The following C1QTNF9B variants were observed in gnomAD, a reference collection of about 807,000 sequenced individuals.
C1QTNF9B encodes the protein C1q and TNF related 9B.
C1QTNF9B carries 9 observed loss-of-function variants against 10.1 expected under a neutral mutation model. The ratio of observed to expected loss-of-function variants is 0.89; its 90% CI spans 0.53 to 1.55. The LOEUF is 1.55. Among genes scored for constraint, C1QTNF9B ranks in the 40% most tolerant of loss-of-function variants. The pLI, the probability that C1QTNF9B is intolerant of heterozygous loss-of-function variation, is 0.00. For missense variants in C1QTNF9B, 196 were observed against 414.4 expected (o/e 0.47, Z 4.58); for synonymous variants, 79 against 159.9 (o/e 0.49, Z 3.82).
At chr13:23,896,081 A>G (rs1872191265) in intron 1 of C1QTNF9B, among the ~76,000 whole-genome samples, 1 of 152,212 alleles carries the variant, frequency 6.6e-6, no homozygotes. Flanking sequence ...GGTCCATAGA[A>G]GTTTTGATAT....
chr13:23,892,692 C>T (rs185950268), intron 2 of C1QTNF9B, among the ~76,000 whole-genome samples: 9 of 152,112 alleles, frequency 5.9e-5, no homozygotes, highest in African/African-American at 1.2e-4. Context: ...CAATTACACA[C>T]GTGTGTGCAC....
At chr13:23,896,686 T>C (rs6490842) in intron 1 of C1QTNF9B, 135 bp downstream of exon 3, 450,767 of 1,258,386 alleles carry the variant, frequency 0.36, 83,842 homozygotes, top group East Asian at 0.42. Context: ...GGGGTCAGGC[T>C]CCAGTGAATG....
chr13:23,895,101 C>A (rs553079562), intron 1 of C1QTNF9B, among the ~76,000 whole-genome samples: 1 of 152,092 alleles, frequency 6.6e-6, no homozygotes, highest in Non-Finnish European at 1.5e-5. Context: ...CCTTGGTCAG[C>A]GTGGGACCTC....
chr13:23,896,449 T>A (rs1008904378), intron 1 of C1QTNF9B, among the ~76,000 whole-genome samples: 1 of 152,236 alleles, frequency 6.6e-6, no homozygotes, highest in Admixed American at 6.5e-5. Context: ...ATCAGATCTC[T>A]CTATTGGCCT....
intron 2 of C1QTNF9B, 107 bp from the exon 5 acceptor site, chr13:23,892,168 G>A (rs1872026329): frequency 2.1e-6 from 3 of 1,425,186 alleles, no homozygotes. Flanking sequence ...GTAGTACACA[G>A]GTTCAGTATA....
In C1QTNF9B at chr13:23,891,781, C is replaced by T. The variant is rs767300545; in HGVS notation, c.510G>A (p.Gly170=). ...CCCGGACTCCTGGCTCACCCTGGGG[C>T]CCCGTGGGTCCAGCTTCTCCCTTGG... Residue 170 remains glycine (G), a synonymous_variant, in exon 3 of 3, where the codon GGG becomes GGA. Transcript: ENST00000382137. 18 of 1,613,938 alleles carry T rather than the reference C, an allele frequency of 1.1e-5. No homozygotes were observed. In the Admixed American group the frequency reaches 2.5e-4, roughly 22 times the overall value.
rs768042578 is a variant in C1QTNF9B, at chr13:23,891,314, C to T, written c.977G>A (p.Gly326Glu). The T allele has an allele frequency of 7.8e-6, 12 of 1,546,992 alleles. 1 individual carries two copies. The East Asian group carries it at 1.8e-4, about 23-fold the overall frequency. Residue 326 changes from glycine to glutamate, a missense_variant, in exon 3 of 3, where the codon GGG (glycine) becomes GAG (glutamate). By Grantham distance (98) the Gly-to-Glu change is moderately conservative. Coordinates refer to ENST00000382137, the Ensembl canonical transcript of C1QTNF9B. ...TCACTGGCTGCTGAACAGAAGGAAC[C>T]CTGTGAAAGTTGTGTCATCGTCCTC...
At chr13:23,896,580 C>T (rs529120865) in intron 1 of C1QTNF9B, among the ~76,000 whole-genome samples, 1 of 152,260 alleles carries the variant, frequency 6.6e-6, no homozygotes, top group South Asian at 2.1e-4. Context: ...GGGGTCATGG[C>T]GATCTGGCCC....
intron 1 of C1QTNF9B, among the ~76,000 whole-genome samples, chr13:23,895,831 G>T (rs1872181498): frequency 6.6e-6 from 1 of 151,866 alleles, no homozygotes; most frequent in Non-Finnish European, 1.5e-5. Flanking sequence ...TTTCATTAAG[G>T]GTAAGGTTTT....
chr13:23,894,721 G>T, intron 1 of C1QTNF9B: 1 of 437,336 alleles, frequency 2.3e-6, no homozygotes, highest in Admixed American at 2.4e-5. Flanking sequence ...TCCCTCTAGT[G>T]CCTTACACTG....
At chr13:23,893,528 A>G (rs1486481899) in intron 2 of C1QTNF9B, among the ~76,000 whole-genome samples, 1 of 152,202 alleles carries the variant, frequency 6.6e-6, no homozygotes, top group Non-Finnish European at 1.5e-5. Context: ...GCTGGAGTGC[A>G]GTGATGAGAT....
At chr13:23,891,459 C>A in exon 3 of C1QTNF9B, 1 of 1,581,834 alleles carries the variant, frequency 6.3e-7, no homozygotes, top group East Asian at 2.2e-5. Flanking sequence ...ACGTAAGCAT[C>A]TCTGGTGTGC....
At chr13:23,892,591 G>T (rs1268679417) in intron 2 of C1QTNF9B, among the ~76,000 whole-genome samples, 1 of 152,292 alleles carries the variant, frequency 6.6e-6, no homozygotes, top group South Asian at 2.1e-4. Context: ...GGAGGCTGAG[G>T]CTGCAGTGAT....
chr13:23,897,318 G>C, upstream of C1QTNF9B: 2 of 411,346 alleles, frequency 4.9e-6, no homozygotes. Flanking sequence ...CTTAACCACA[G>C]ACCAATGCTT....
chr13:23,896,853 C>T lies in C1QTNF9B; in HGVS notation c.134G>A (p.Arg45Gln), dbSNP rs777419823. The change falls in exon 1 of 3, where the codon CGA becomes CAA. Residue 45 changes from arginine (R) to glutamine (Q), a missense_variant. By Grantham distance (43) the Arg-to-Gln change is conservative (BLOSUM62 1). Coordinates refer to ENST00000382137, the Ensembl canonical transcript of C1QTNF9B. ...GCCTTTGTCACCCTTCGCTCCGTCTCGTCCATCTCTTCCAGGCAGACCATT... is the reference window on the plus strand; with the variant it reads ...GCCTTTGTCACCCTTCGCTCCGTCTTGTCCATCTCTTCCAGGCAGACCATT... The T allele has an allele frequency of 1.5e-5, 25 of 1,613,492 alleles. No homozygotes were observed. The highest frequency in any genetic ancestry group is 1.2e-4 in the Admixed American group (7 of 59,964).
chr13:23,897,299 A>C (rs1872237311), upstream of C1QTNF9B: 2 of 443,822 alleles, frequency 4.5e-6, no homozygotes, highest in Admixed American at 7.4e-5. Context: ...CTTTGAAGAA[A>C]TCACTTCTCT....
At chr13:23,897,410 A>T, upstream of C1QTNF9B, 1 of 205,776 alleles carries the variant, frequency 4.9e-6, no homozygotes, top group Non-Finnish European at 9.8e-6. Flanking sequence ...AAGCAAACAT[A>T]GCATTACCAT....
At chr13:23,895,280 C>CA (rs1376757177) in intron 1 of C1QTNF9B, among the ~76,000 whole-genome samples, 2 of 151,968 alleles carry the variant, frequency 1.3e-5, no homozygotes, top group Admixed American at 6.6e-5. Context: ...CATGATCACG[C>CA]ACCACAACTC....
chr13:23,894,460 A>T, intron 1 of C1QTNF9B: 2 of 641,664 alleles, frequency 3.1e-6, no homozygotes, highest in Non-Finnish European at 5.8e-6. Flanking sequence ...CCTAGAGCGC[A>T]CAGCAAGACA....
Sources: allele counts gnomAD v4.1 joint callset (sites outside exome capture counted in the v4.1 genomes callset), GRCh38; gene constraint gnomAD v4.1.1; transcripts MANE v1.5; gene names NCBI Gene and HGNC (gene_info 2026-07-23, HGNC 2026-07-21).